Variants in NHSL1 observed in about 807,000 individuals in gnomAD.
The protein encoded by NHSL1 is NHS like 1.
In NHSL1, 48 loss-of-function variants were observed where a neutral mutation model predicts 95.0. The ratio of observed to expected loss-of-function variants is 0.51; its 90% CI spans 0.40 to 0.64. NHSL1 has a LOEUF of 0.64. Among genes scored for constraint, NHSL1 ranks in the 30% least tolerant of loss-of-function variants. NHSL1 has a pLI of 0.00. For missense variants in NHSL1, 1,971 were observed against 2,077.7 expected (o/e 0.95, Z 1.00); for synonymous variants, 783 against 833.9 (o/e 0.94, Z 1.05).
At chr6:138,573,883 CT>C (rs535157235), upstream of NHSL1, among the ~76,000 whole-genome samples, 593 of 152,290 alleles carry the variant, frequency 3.9e-3, 13 homozygotes, top group Non-Finnish European at 5.9e-4. Context: ...TCACCAAGTG[CT>C]CTGGGCCTGT....
chr6:138,574,671 G>GCC (rs370618753), upstream of NHSL1, among the ~76,000 whole-genome samples: 1 of 117,524 alleles, frequency 8.5e-6, no homozygotes, highest in East Asian at 2.3e-4. Flanking sequence ...TACAAATAAT[G>GCC]CAAAAAAAAA....
chr6:138,437,415 C>T (rs796613267), intron 5 of NHSL1, among the ~76,000 whole-genome samples: 9 of 17,602 alleles, frequency 5.1e-4, no homozygotes, highest in South Asian at 2.3e-3. Context: ...CACACATATA[C>T]ACACACACAC....
chr6:138,532,425 A>G (rs531102059), intron 1 of NHSL1, among the ~76,000 whole-genome samples: 1 of 152,316 alleles, frequency 6.6e-6, no homozygotes, highest in African/African-American at 2.4e-5. Flanking sequence ...CTAGGTAATT[A>G]GCCTAGGATC....
At chr6:138,525,057 C>T (rs1781841583) in intron 1 of NHSL1, among the ~76,000 whole-genome samples, 1 of 152,062 alleles carries the variant, frequency 6.6e-6, no homozygotes, top group South Asian at 2.1e-4. Flanking sequence ...AGCTTTGGCC[C>T]ACCATGGACA....
chr6:138,626,790 A>G (rs945972410), intron 1 of NHSL1, among the ~76,000 whole-genome samples: 3 of 105,314 alleles, frequency 2.8e-5, no homozygotes, highest in Non-Finnish European at 5.5e-5. Context: ...GCTACTTGGG[A>G]GGCTGAGGCA....
chr6:138,659,849 G>C (rs899837944), intron 1 of NHSL1, among the ~76,000 whole-genome samples: 6 of 151,564 alleles, frequency 4.0e-5, no homozygotes, highest in African/African-American at 1.2e-4. Flanking sequence ...TGAGTAATTG[G>C]GATTACAGGC....
chr6:138,451,296 T>C (rs1400637391), intron 3 of NHSL1, among the ~76,000 whole-genome samples: 2 of 152,178 alleles, frequency 1.3e-5, no homozygotes, highest in Non-Finnish European at 2.9e-5. Context: ...GCTCCTCCCG[T>C]AGACATCCAC....
At chr6:138,572,499 A>G (rs1783875836) in exon 1 of NHSL1, 1 of 152,492 alleles carries the variant, frequency 6.6e-6, no homozygotes. Flanking sequence ...GGGCAGAATC[A>G]TAAACCGCCC....
At chr6:138,557,107 C>T (rs1783221964) in intron 1 of NHSL1, among the ~76,000 whole-genome samples, 2 of 152,134 alleles carry the variant, frequency 1.3e-5, no homozygotes, top group Non-Finnish European at 2.9e-5. Flanking sequence ...GTAATGTTTA[C>T]AGAAAACACT....
At chr6:138,506,964 G>A (rs1428876635) in intron 1 of NHSL1, among the ~76,000 whole-genome samples, 2 of 152,134 alleles carry the variant, frequency 1.3e-5, no homozygotes, top group Non-Finnish European at 2.9e-5. Flanking sequence ...GGTCACTTGT[G>A]CCTTAAGAAT....
chr6:138,601,181 C>T (rs1036327837), intron 1 of NHSL1, among the ~76,000 whole-genome samples: 3 of 152,138 alleles, frequency 2.0e-5, no homozygotes, highest in Admixed American at 6.5e-5. Flanking sequence ...TAAAACTCAC[C>T]AGGATTGTTG....
chr6:138,661,702 C>T (rs1785229688), intron 1 of NHSL1, among the ~76,000 whole-genome samples: 1 of 151,876 alleles, frequency 6.6e-6, no homozygotes, highest in Non-Finnish European at 1.5e-5. Flanking sequence ...AACACCACAA[C>T]TAATTCTGTT....
At chr6:138,521,557 C>T (rs1051554330) in intron 1 of NHSL1, among the ~76,000 whole-genome samples, 16 of 152,106 alleles carry the variant, frequency 1.1e-4, no homozygotes, top group South Asian at 2.1e-4. Flanking sequence ...CAATCCCCTG[C>T]TATTCCCAAA....
At chr6:138,594,070 T>A (rs559751981) in intron 1 of NHSL1, among the ~76,000 whole-genome samples, 32 of 152,212 alleles carry the variant, frequency 2.1e-4, no homozygotes, top group Non-Finnish European at 4.1e-4. Flanking sequence ...GCCTTTGACA[T>A]GCTAATGTTG....
At chr6:138,536,748 C>T (rs1050813960) in intron 1 of NHSL1, among the ~76,000 whole-genome samples, 1 of 151,446 alleles carries the variant, frequency 6.6e-6, no homozygotes, top group Non-Finnish European at 1.5e-5. Context: ...GCCCTGCATG[C>T]ATTAGGGATT....
At chr6:138,449,591 C>G (rs942184550) in intron 3 of NHSL1, among the ~76,000 whole-genome samples, 1 of 151,914 alleles carries the variant, frequency 6.6e-6, no homozygotes, top group African/African-American at 2.4e-5. Context: ...GCAGGAGAAT[C>G]GCTTGAACTC....
chr6:138,675,485 T>C (rs1002190869), intron 1 of NHSL1, among the ~76,000 whole-genome samples: 4 of 152,052 alleles, frequency 2.6e-5, no homozygotes, highest in Non-Finnish European at 5.9e-5. Flanking sequence ...GGTATACTGG[T>C]TGTCACCTAT....
chr6:138,685,096 C>T (rs1468918259), intron 1 of NHSL1, among the ~76,000 whole-genome samples: 1 of 152,032 alleles, frequency 6.6e-6, no homozygotes, highest in Non-Finnish European at 1.5e-5. Flanking sequence ...TTAAGAAACT[C>T]AAATGTTTCT....
intron 1 of NHSL1, among the ~76,000 whole-genome samples, chr6:138,541,364 C>G (rs1321905884): frequency 2.0e-5 from 3 of 151,870 alleles, no homozygotes; most frequent in Non-Finnish European, 4.4e-5. Flanking sequence ...GAGACTCTGT[C>G]TCAAAAAAAA....
Sources: allele counts gnomAD v4.1 joint callset (sites outside exome capture counted in the v4.1 genomes callset), GRCh38; gene constraint gnomAD v4.1.1; transcripts MANE v1.5; gene names NCBI Gene and HGNC (gene_info 2026-07-23, HGNC 2026-07-21).